The following CARMIL1 variants were observed in gnomAD, a reference collection of about 807,000 sequenced individuals.
The protein encoded by CARMIL1 is capping protein regulator and myosin 1 linker 1.
Under a neutral mutation model 177.1 loss-of-function variants are expected in CARMIL1, and 90 were observed. The observed-to-expected ratio is 0.51, with a 90% CI of 0.43 to 0.61. CARMIL1 has a LOEUF of 0.61. Among genes scored for constraint, CARMIL1 ranks in the 20% least tolerant of loss-of-function variants. CARMIL1 has a pLI of 0.00. For synonymous variants in CARMIL1, 577 were observed against 606.2 expected (o/e 0.95, Z 0.71); for missense variants, 1,380 against 1,667.0 (o/e 0.83, Z 3.00).
intron 2 of CARMIL1, among the ~76,000 whole-genome samples, chr6:25,310,823 A>C (rs144561255): frequency 3.3e-5 from 5 of 152,228 alleles, no homozygotes; most frequent in Admixed American, 2.0e-4. Context: ...AGATTGCACT[A>C]AATTCTGGGA....
chr6:25,413,730 G>C (rs1016779539), intron 2 of CARMIL1, among the ~76,000 whole-genome samples: 1 of 152,162 alleles, frequency 6.6e-6, no homozygotes, highest in Non-Finnish European at 1.5e-5. Flanking sequence ...GCCTTCCCAG[G>C]GGAGGTGGGA....
At chr6:25,528,686 G>A (rs868146987) in intron 23 of CARMIL1, 109 bp from the exon 24 acceptor site, 3 of 783,628 alleles carry the variant, frequency 3.8e-6, no homozygotes, top group African/African-American at 3.4e-5. Flanking sequence ...GGCAGGATGT[G>A]TATATTCACG....
Position 25,612,857 on chromosome 6 carries a change from T to C in CARMIL1, c.3979+2676T>C, listed in dbSNP as rs1582529992. 17 of 985,324 alleles carry C rather than the reference T, an allele frequency of 1.7e-5. No individual in the cohort carries two copies. In the South Asian group the frequency reaches 4.2e-4, roughly 25 times the overall value. 61.0% of individuals were successfully genotyped at this position (985,324 alleles called of 1,614,324 possible). On this transcript the variant is annotated intron_variant, in intron 36 of 36. Transcript: ENST00000329474. Reference sequence around the variant, plus strand: ...ATTGCAGAAGAGGAAGTGAATGCAATTGGGCACAGGAAGTCACAGCCAACA... The same window carrying C: ...ATTGCAGAAGAGGAAGTGAATGCAACTGGGCACAGGAAGTCACAGCCAACA...
At chr6:25,344,955 C>T (rs1787345322) in intron 2 of CARMIL1, among the ~76,000 whole-genome samples, 1 of 152,138 alleles carries the variant, frequency 6.6e-6, no homozygotes, top group Admixed American at 6.5e-5. Context: ...ACTCTGATTT[C>T]TCTTCCAGCT....
rs370429460 is a variant in CARMIL1, at chr6:25,377,242, C to T, written c.139-42872C>T. 5.9e-5 allele frequency among the ~76,000 whole-genome samples: 9 copies of T among 152,294 alleles called. No homozygotes were observed. The South Asian group carries it at 1.9e-3, about 32-fold the overall frequency. Reference sequence around the variant, plus strand: ...CTTCTCCAAGACCCTTCATGGGCACCAGGGCTGACTGGCTGTTGGGGTAGA... The same window carrying T: ...CTTCTCCAAGACCCTTCATGGGCACTAGGGCTGACTGGCTGTTGGGGTAGA... On this transcript the variant is annotated intron_variant, in intron 2 of 36. Coordinates refer to ENST00000329474, the MANE Select transcript of CARMIL1 (RefSeq NM_017640.6).
Position 25,606,252 on chromosome 6 carries a change from C to T in CARMIL1, c.3826C>T (p.Pro1276Ser). The T allele has an allele frequency of 1.9e-6, 3 of 1,613,676 alleles. No individual in the cohort carries two copies. The highest frequency in any genetic ancestry group is 2.5e-6 in the Non-Finnish European group (3 of 1,179,788). Residue 1276 changes from proline to serine, a missense_variant, in exon 35 of 37, where the codon CCA becomes TCA. Pro to Ser is a moderately conservative substitution (Grantham distance 74, BLOSUM62 -1). Coordinates refer to ENST00000329474, the MANE Select transcript of CARMIL1 (RefSeq NM_017640.6). ...AGCACGGCCCGTCATCCCGCAGAAACCAAGAACCGCCTCACGGCCTGGTAA... is the reference window on the plus strand; with the variant it reads ...AGCACGGCCCGTCATCCCGCAGAAATCAAGAACCGCCTCACGGCCTGGTAA... ...LAARPVIPQK[P>S]RTASRPDDIP... is the part of the protein sequence containing the mutation.
At chr6:25,438,248 C>T (rs1388288922) in intron 5 of CARMIL1, among the ~76,000 whole-genome samples, 2 of 152,158 alleles carry the variant, frequency 1.3e-5, no homozygotes, top group Admixed American at 1.3e-4. Context: ...GTTGTAAGTG[C>T]TTGTTCATAC....
intron 11 of CARMIL1, among the ~76,000 whole-genome samples, chr6:25,477,100 A>C (rs944046845): frequency 9.9e-5 from 15 of 151,620 alleles, no homozygotes; most frequent in African/African-American, 2.9e-4. Context: ...AAAAAAAAAA[A>C]AACAAAAAAC....
chr6:25,321,132 C>A lies in CARMIL1; in HGVS notation c.138+36223C>A, dbSNP rs558277837. ...TCTGCCTGAATAGCTGAGTACCTGT[C>A]TTTTCCAAAACTACCCCTTGAGGGG... is the stretch of plus-strand genomic sequence containing the variant. On this transcript the variant is annotated intron_variant, in intron 2 of 36. Transcript: ENST00000329474. Among the ~76,000 whole-genome samples the A allele has an allele frequency of 2.2e-3, 322 of 146,506 alleles. 4 individuals are homozygous for A. Among genetic ancestry groups the A allele is most frequent in the Middle Eastern group, 7.6e-3 (2 of 262 alleles).
At chr6:25,492,054 T>C in intron 15 of CARMIL1, 30 bp downstream of exon 15, 1 of 1,582,212 alleles carries the variant, frequency 6.3e-7, no homozygotes, top group Non-Finnish European at 8.7e-7. Context: ...CTCATTGTCA[T>C]CTGGAAGTGT....
Position 25,551,147 on chromosome 6 carries a change from T to A in CARMIL1, c.2504+62T>A, listed in dbSNP as rs1810063952. The A allele has an allele frequency of 3.0e-6, 4 of 1,343,726 alleles. No homozygotes were observed. The Admixed American group carries it at 7.4e-5, about 25-fold the overall frequency. 83.2% of individuals were successfully genotyped at this position (1,343,726 alleles called of 1,614,324 possible). A position where few individuals can be genotyped will look rare whatever the true frequency, so the allele number is the denominator to read the frequency against. ...TTTCTGTAAATGCAGTCGAGGCAGC[T>A]GTAAAGAGGGTTATTGTTGGCTGTA... On this transcript the variant is annotated intron_variant, in intron 27 of 36. Transcript: ENST00000329474.
intron 29 of CARMIL1, among the ~76,000 whole-genome samples, chr6:25,575,097 G>C (rs1812463217): frequency 6.6e-6 from 1 of 152,124 alleles, no homozygotes; most frequent in African/African-American, 2.4e-5. Context: ...AAAAACATTG[G>C]TTAAAGTCCC....
chr6:25,456,447 A>G (rs1370386581), intron 8 of CARMIL1, among the ~76,000 whole-genome samples: 1 of 152,178 alleles, frequency 6.6e-6, no homozygotes, highest in Non-Finnish European at 1.5e-5. Flanking sequence ...AAGTACTTGG[A>G]AAAATGCCCA....
chr6:25,571,333 G>A (rs968100842), intron 29 of CARMIL1, among the ~76,000 whole-genome samples: 18 of 152,122 alleles, frequency 1.2e-4, no homozygotes, highest in Non-Finnish European at 2.4e-4. Flanking sequence ...AGAGAACCAT[G>A]CATTCATAGT....
At chr6:25,614,074 A>G (rs1816702834) in intron 36 of CARMIL1, among the ~76,000 whole-genome samples, 2 of 152,216 alleles carry the variant, frequency 1.3e-5, no homozygotes, top group Admixed American at 1.3e-4. Flanking sequence ...GAGTTATGAT[A>G]CCTGAAGTGG....
intron 2 of CARMIL1, among the ~76,000 whole-genome samples, chr6:25,286,807 T>A (rs1781556416): frequency 6.6e-6 from 1 of 152,212 alleles, no homozygotes; most frequent in Non-Finnish European, 1.5e-5. Context: ...TGTTAAAATT[T>A]CAAAGACAAA....
At chr6:25,446,824 T>C (rs1176029186) in intron 5 of CARMIL1, among the ~76,000 whole-genome samples, 1 of 152,202 alleles carries the variant, frequency 6.6e-6, no homozygotes, top group Non-Finnish European at 1.5e-5. Flanking sequence ...TTAGAGGCCA[T>C]TGCAGGGTTA....
At chr6:25,314,472 C>CAA (rs71544634) in intron 2 of CARMIL1, among the ~76,000 whole-genome samples, 71 of 115,128 alleles carry the variant, frequency 6.2e-4, no homozygotes, top group African/African-American at 2.0e-3. Context: ...GATTCTGTCT[C>CAA]AAAAAAAAAA....
chr6:25,323,492 C>G (rs1358817957), intron 2 of CARMIL1, among the ~76,000 whole-genome samples: 1 of 151,752 alleles, frequency 6.6e-6, no homozygotes, highest in Non-Finnish European at 1.5e-5. Context: ...GCCTATAGTC[C>G]CAGCTACTCG....
Sources: allele counts gnomAD v4.1 joint callset (sites outside exome capture counted in the v4.1 genomes callset), GRCh38; gene constraint gnomAD v4.1.1; transcripts MANE v1.5; gene names NCBI Gene and HGNC (gene_info 2026-07-23, HGNC 2026-07-21).